Variants in AUTS2 observed in about 807,000 individuals in gnomAD.
The protein encoded by AUTS2 is autism susceptibility gene 2 protein.
A neutral mutation model predicts 112.4 loss-of-function variants in AUTS2; 17 were observed. The ratio of observed to expected loss-of-function variants is 0.15; its 90% CI spans 0.10 to 0.23. The LOEUF is 0.23. Among genes scored for constraint, AUTS2 ranks in the 10% least tolerant of loss-of-function variants. The pLI, the probability that AUTS2 is intolerant of heterozygous loss-of-function variation, is 1.00. For synonymous variants in AUTS2, 751 were observed against 702.7 expected (o/e 1.07, Z -1.09); for missense variants, 1,510 against 1,701.6 (o/e 0.89, Z 1.98).
chr7:69,868,754 G>T (rs528519691), intron 1 of AUTS2, among the ~76,000 whole-genome samples: 3 of 152,268 alleles, frequency 2.0e-5, no homozygotes, highest in South Asian at 4.2e-4. Flanking sequence ...GAAATGGCTT[G>T]CTTAAGATCA....
chr7:69,937,674 G>T (rs1375866143), intron 2 of AUTS2, among the ~76,000 whole-genome samples: 1 of 152,104 alleles, frequency 6.6e-6, no homozygotes, highest in African/African-American at 2.4e-5. Context: ...ACAATATTAG[G>T]CTTCTTTTTA....
At chr7:69,905,558 C>T (rs1795117809) in intron 2 of AUTS2, among the ~76,000 whole-genome samples, 1 of 152,132 alleles carries the variant, frequency 6.6e-6, no homozygotes, top group African/African-American at 2.4e-5. Context: ...TATATCCCAG[C>T]TCTAGGAGAG....
chr7:70,362,253 G>T (rs1005079246), intron 4 of AUTS2, among the ~76,000 whole-genome samples: 3 of 152,170 alleles, frequency 2.0e-5, no homozygotes, highest in Admixed American at 6.5e-5. Flanking sequence ...CATGGGGAGT[G>T]AACCTAGTTA....
Position 70,781,523 on chromosome 7 carries a change from C to T in AUTS2, c.2005-92C>T, listed in dbSNP as rs529972118. ...GTGTTTGTAAACTTGAACCCAAGTG[C>T]ACCGTTCACAGTCTCCAGCTCCAGC... On this transcript the variant is annotated intron_variant, in intron 14 of 18. Coordinates refer to ENST00000342771, the MANE Select transcript of AUTS2 (RefSeq NM_015570.4). 2.0e-6 allele frequency: 3 copies of T among 1,464,034 alleles called. No individual in the cohort carries two copies. In the East Asian group the frequency reaches 7.0e-5, roughly 34 times the overall value. 90.7% of individuals were successfully genotyped at this position (1,464,034 alleles called of 1,614,324 possible). A position where few individuals can be genotyped will look rare whatever the true frequency, so the allele number is the denominator to read the frequency against.
chr7:69,714,263 G>GTGTA (rs1267137819), intron 1 of AUTS2, among the ~76,000 whole-genome samples: 1 of 141,292 alleles, frequency 7.1e-6, no homozygotes, highest in East Asian at 2.0e-4. Context: ...GTGTGTGTGT[G>GTGTA]TGTGTGTGTG....
intron 3 of AUTS2, among the ~76,000 whole-genome samples, chr7:70,130,850 T>TAA (rs1806234643): frequency 3.3e-5 from 5 of 152,210 alleles, no homozygotes; most frequent in Non-Finnish European, 7.3e-5. Flanking sequence ...TCTCAGCCTC[T>TAA]TAATAGTTCT....
At chr7:70,122,544 T>C (rs1041906035) in intron 3 of AUTS2, among the ~76,000 whole-genome samples, 5 of 152,174 alleles carry the variant, frequency 3.3e-5, no homozygotes, top group Admixed American at 6.5e-5. Context: ...CAGTTTTTCA[T>C]TGGATGCCAG....
intron 1 of AUTS2, among the ~76,000 whole-genome samples, chr7:69,796,299 C>T (rs1389555884): frequency 1.3e-5 from 2 of 152,142 alleles, no homozygotes; most frequent in Non-Finnish European, 2.9e-5. Flanking sequence ...GGGAGAATCA[C>T]TTGAGGCCAG....
intron 5 of AUTS2, among the ~76,000 whole-genome samples, chr7:70,666,401 A>C (rs1273216129): frequency 6.6e-6 from 1 of 152,214 alleles, no homozygotes; most frequent in African/African-American, 2.4e-5. Context: ...GGAGTAGAAG[A>C]GAAATCGGTT....
intron 5 of AUTS2, among the ~76,000 whole-genome samples, chr7:70,621,893 C>T (rs1469569933): frequency 8.3e-6 from 1 of 120,048 alleles, no homozygotes; most frequent in East Asian, 2.6e-4. Flanking sequence ...GTCGCCCAAG[C>T]TGGAGTGCAG....
At chr7:70,430,828 CT>C (rs745358887) in intron 4 of AUTS2, among the ~76,000 whole-genome samples, 3,260 of 94,524 alleles carry the variant, frequency 0.034, 7 homozygotes, top group African/African-American at 0.055. Context: ...GCAGTGTCGC[CT>C]TTTTTTTTTT....
chr7:70,531,939 C>G (rs1186478772), intron 5 of AUTS2, among the ~76,000 whole-genome samples: 2 of 152,188 alleles, frequency 1.3e-5, no homozygotes, highest in Non-Finnish European at 2.9e-5. Context: ...CTCAGCTGAT[C>G]TCTGCTGGCT....
intron 4 of AUTS2, among the ~76,000 whole-genome samples, chr7:70,285,249 G>A (rs1344001311): frequency 6.6e-6 from 1 of 152,104 alleles, no homozygotes; most frequent in Non-Finnish European, 1.5e-5. Context: ...TAATCTTCAG[G>A]AACCGTAATG....
intron 5 of AUTS2, among the ~76,000 whole-genome samples, chr7:70,537,043 C>T (rs1253734263): frequency 2.0e-5 from 3 of 152,222 alleles, no homozygotes; most frequent in African/African-American, 7.2e-5. Context: ...CTCAGGTTCC[C>T]AGTTCAAAAC....
intron 5 of AUTS2, among the ~76,000 whole-genome samples, chr7:70,450,693 G>A (rs1796494720): frequency 6.6e-6 from 1 of 152,198 alleles, no homozygotes; most frequent in Non-Finnish European, 1.5e-5. Flanking sequence ...TGACATTTTG[G>A]AGGAGGATTC....
intron 1 of AUTS2, among the ~76,000 whole-genome samples, chr7:69,633,332 C>T (rs1794358710): frequency 6.6e-6 from 1 of 151,996 alleles, no homozygotes; most frequent in Non-Finnish European, 1.5e-5. Context: ...CACACACCCC[C>T]CACAGTTTAT....
chr7:69,874,328 A>G lies in AUTS2; in HGVS notation c.310-24958A>G, dbSNP rs764700670. Among the ~76,000 whole-genome samples, 15 of 152,332 alleles carry G rather than the reference A, an allele frequency of 9.8e-5. No individual in the cohort carries two copies. The South Asian group carries it at 1.0e-3, about 11-fold the overall frequency. On this transcript the variant is annotated intron_variant, in intron 1 of 18. Transcript: ENST00000342771. ...ATACTTACTCCAGAGGTGGGAGTCC[A>G]GAAGATGGTGATAAGAAAGAGGTTA...
intron 5 of AUTS2, among the ~76,000 whole-genome samples, chr7:70,499,074 C>G (rs1006045642): frequency 1.2e-4 from 18 of 152,160 alleles, no homozygotes; most frequent in Non-Finnish European, 5.9e-5. Context: ...TTGAGTCTTG[C>G]TGGGCACTGA....
At chr7:70,757,327 T>A (rs1789272868) in intron 6 of AUTS2, among the ~76,000 whole-genome samples, 2 of 152,190 alleles carry the variant, frequency 1.3e-5, no homozygotes, top group East Asian at 3.9e-4. Context: ...TATTTGGATA[T>A]CTCATTGCAC....
Sources: allele counts gnomAD v4.1 joint callset (sites outside exome capture counted in the v4.1 genomes callset), GRCh38; gene constraint gnomAD v4.1.1; transcripts MANE v1.5; gene names NCBI Gene and HGNC (gene_info 2026-07-23, HGNC 2026-07-21).